Variants in FLT3 observed in about 807,000 individuals in gnomAD.
The protein encoded by FLT3 is fms related receptor tyrosine kinase 3, also known as receptor-type tyrosine-protein kinase FLT3.
FLT3 carries 46 observed loss-of-function variants against 126.6 expected under a neutral mutation model. That is an observed-to-expected ratio of 0.36 (90% CI 0.29 to 0.46). The LOEUF is 0.46. Among genes scored for constraint, FLT3 ranks in the 20% least tolerant of loss-of-function variants. The probability of loss-of-function intolerance (pLI) is 1.00; values close to 1 mark genes in which losing one functional copy is unlikely to be tolerated. For missense variants in FLT3, 1,069 were observed against 1,190.3 expected (o/e 0.90, Z 1.50); for synonymous variants, 404 against 434.4 (o/e 0.93, Z 0.87).
chr13:28,021,041 C>T (rs564104837), intron 19 of FLT3, among the ~76,000 whole-genome samples: 2 of 152,248 alleles, frequency 1.3e-5, no homozygotes, highest in Admixed American at 1.3e-4. Context: ...ATTTACTTAG[C>T]TATGGGCAGC....
At chr13:28,054,351 T>A (rs1875816074) in intron 4 of FLT3, among the ~76,000 whole-genome samples, 1 of 150,738 alleles carries the variant, frequency 6.6e-6, no homozygotes, top group Non-Finnish European at 1.5e-5. Context: ...TAATTGGGAG[T>A]CCATTAGGCT....
intron 16 of FLT3, among the ~76,000 whole-genome samples, chr13:28,027,763 G>A (rs975827916): frequency 1.3e-5 from 2 of 152,190 alleles, no homozygotes; most frequent in African/African-American, 4.8e-5. Context: ...AGAGAATTCT[G>A]GGAAAGTAAA....
At chr13:28,013,732 T>C (rs1230546153) in intron 23 of FLT3, among the ~76,000 whole-genome samples, 1 of 152,228 alleles carries the variant, frequency 6.6e-6, no homozygotes, top group East Asian at 1.9e-4. Context: ...ACAGCTGGTA[T>C]TCAACCCTCA....
intron 17 of FLT3, among the ~76,000 whole-genome samples, chr13:28,026,734 A>G (rs927305077): frequency 3.3e-5 from 5 of 152,200 alleles, no homozygotes; most frequent in Non-Finnish European, 7.3e-5. Flanking sequence ...CTCTTTGCAT[A>G]TGTTAAGGAC....
intron 1 of FLT3, among the ~76,000 whole-genome samples, chr13:28,098,848 A>AG (rs755044279): frequency 5.3e-5 from 8 of 152,306 alleles, no homozygotes; most frequent in Admixed American, 1.3e-4. Flanking sequence ...GAGTAAAAGA[A>AG]GGTGGACATA....
Position 28,027,208 on chromosome 13 carries a change from T to A in FLT3, c.2087A>T (p.Tyr696Phe), listed in dbSNP as rs748414088. The change falls in exon 17 of 24, where the codon TAT becomes TTT. Residue 696 changes from tyrosine (Y) to phenylalanine (F), a missense_variant. By Grantham distance (22) the Tyr-to-Phe change is conservative. Coordinates refer to ENST00000241453, the MANE Select transcript of FLT3 (RefSeq NM_004119.3). ...PIYLIFEYCC[Y>F]GDLLNYLRSK... is the part of the protein sequence containing the mutation. ...TCTTAGATAGTTGAGAAGATCACCA[T>A]AGCAACAGTATTCAAAAATCAAGTA... 1 of 1,612,364 alleles carries A rather than the reference T, an allele frequency of 6.2e-7. No individual in the cohort carries two copies. Among genetic ancestry groups the A allele is most frequent in the Non-Finnish European group, 8.5e-7 (1 of 1,178,696 alleles).
intron 2 of FLT3, among the ~76,000 whole-genome samples, chr13:28,063,804 A>T (rs1313304163): frequency 9.9e-5 from 15 of 152,172 alleles, no homozygotes; most frequent in African/African-American, 3.1e-4. Context: ...TAAGTAAAAC[A>T]CAGGAGAAAT....
At position 28,086,947 on chromosome 13, in the gene FLT3, G is replaced by T. The variant is rs564904605; in HGVS notation, c.43+13521C>A. On this transcript the variant is annotated intron_variant, in intron 1 of 23. Coordinates refer to ENST00000241453, the MANE Select transcript of FLT3 (RefSeq NM_004119.3). ...CAGGCATGAACCACCATGCCCACCT[G>T]TCTGAAGAACTTTCTTTAACAGTTC... Among the ~76,000 whole-genome samples, 10 of 152,106 alleles carry T rather than the reference G, an allele frequency of 6.6e-5. No individual in the cohort carries two copies. The South Asian group carries it at 1.2e-3, about 19-fold the overall frequency.
Position 28,049,665 on chromosome 13 carries a change from G to C in FLT3, c.852C>G (p.Thr284=). Residue 284 remains threonine, a synonymous_variant, in exon 7 of 24, where the codon ACC becomes ACG. Transcript: ENST00000241453. ...AVHVNHGFGL[T]WELENKALEE... ...CGAGTGCTTTGTTTTCTAATTCCCA[G>C]GTGAGCCCGAATCCATGGTTCACAT... 1 of 1,614,000 alleles carries C rather than the reference G, an allele frequency of 6.2e-7. No homozygotes were observed.
At chr13:28,052,974 G>A (rs1007416821) in intron 4 of FLT3, among the ~76,000 whole-genome samples, 2 of 152,072 alleles carry the variant, frequency 1.3e-5, no homozygotes, top group East Asian at 3.8e-4. Context: ...GATAGGCACA[G>A]GAAAAAGGAA....
chr13:28,066,013 A>G (rs1437897706), intron 2 of FLT3, among the ~76,000 whole-genome samples: 3 of 151,988 alleles, frequency 2.0e-5, no homozygotes, highest in Admixed American at 6.6e-5. Context: ...AAATAAACCA[A>G]CTAGAATATG....
chr13:28,030,450 A>G (rs1024245084), intron 15 of FLT3, among the ~76,000 whole-genome samples: 1 of 152,174 alleles, frequency 6.6e-6, no homozygotes, highest in African/African-American at 2.4e-5. Context: ...GTAAGAGCCA[A>G]TGTCCTAGAC....
At chr13:28,010,565 A>G (rs922904593) in intron 23 of FLT3, among the ~76,000 whole-genome samples, 1 of 152,226 alleles carries the variant, frequency 6.6e-6, no homozygotes, top group Non-Finnish European at 1.5e-5. Context: ...CTAGACAGGT[A>G]ATCATGTAAT....
intron 1 of FLT3, among the ~76,000 whole-genome samples, chr13:28,085,021 A>T (rs1878568853): frequency 6.7e-6 from 1 of 150,302 alleles, no homozygotes; most frequent in Admixed American, 6.7e-5. Context: ...TATGGTTCAG[A>T]ATATGCTTTA....
chr13:28,008,645 A>G (rs558381042), intron 23 of FLT3, among the ~76,000 whole-genome samples: 48 of 152,034 alleles, frequency 3.2e-4, no homozygotes, highest in African/African-American at 1.1e-3. Context: ...ACACCCAGCT[A>G]ATTTTGTCTT....
rs1457162024 is a variant in FLT3 at position 28,075,873 on chromosome 13, G to A, written c.44-5261C>T. On this transcript the variant is annotated intron_variant, in intron 1 of 23. Coordinates refer to ENST00000241453, the MANE Select transcript of FLT3 (RefSeq NM_004119.3). The stretch of plus-strand genomic sequence containing the variant: ...TACAGTGGCACCATCTCGGCTCACT[G>A]CAAACTCCACCTCCCAGGTTCCAGT... 2.7e-5 allele frequency among the ~76,000 whole-genome samples: 4 copies of A among 150,664 alleles called. No homozygotes were observed. The East Asian group carries it at 7.9e-4, about 30-fold the overall frequency.
chr13:28,077,633 C>T (rs1474902341), intron 1 of FLT3, among the ~76,000 whole-genome samples: 2 of 152,080 alleles, frequency 1.3e-5, no homozygotes, highest in African/African-American at 4.8e-5. Flanking sequence ...CATTCTGCCC[C>T]GGCCCCTCCA....
At chr13:28,062,152 CAT>C (rs1200145875) in intron 2 of FLT3, 83 bp from the exon 3 acceptor site, 2 of 1,025,580 alleles carry the variant, frequency 2.0e-6, no homozygotes, top group Non-Finnish European at 3.0e-6. Flanking sequence ...CTTTATCAAA[CAT>C]ATGCATGCTG....
intron 5 of FLT3, among the ~76,000 whole-genome samples, chr13:28,051,614 G>T (rs1010867537): frequency 6.9e-6 from 1 of 145,078 alleles, no homozygotes; most frequent in African/African-American, 2.6e-5. Context: ...GCGCGATCTC[G>T]GCTTACTGCA....
Sources: allele counts gnomAD v4.1 joint callset (sites outside exome capture counted in the v4.1 genomes callset), GRCh38; gene constraint gnomAD v4.1.1; transcripts MANE v1.5; gene names NCBI Gene and HGNC (gene_info 2026-07-23, HGNC 2026-07-21).